The following PGPEP1L variants were observed in gnomAD, a reference collection of about 807,000 sequenced individuals.
PGPEP1L encodes pyroglutamyl-peptidase I like.
In PGPEP1L, 7 loss-of-function variants were observed where a neutral mutation model predicts 6.0. That is an observed-to-expected ratio of 1.17 (90% CI 0.66 to 2.19). PGPEP1L has a LOEUF of 2.19. Among genes scored for constraint, PGPEP1L ranks in the 30% most tolerant of loss-of-function variants. PGPEP1L has a pLI of 0.00. For missense variants in PGPEP1L, 209 were observed against 192.5 expected, an observed-to-expected ratio of 1.09 and a Z score of -0.51; for synonymous variants, 103 against 83.9, an observed-to-expected ratio of 1.23 and a Z score of -1.24.
intron 2 of PGPEP1L, among the ~76,000 whole-genome samples, 152 bp downstream of exon 2, chr15:99,005,277 G>A (rs1357194435): frequency 6.6e-6 from 1 of 152,260 alleles, no homozygotes; most frequent in Non-Finnish European, 1.5e-5. Flanking sequence ...ACAGCAGCAA[G>A]TTCGTTTCCA....
chr15:99,000,374 G>A (rs1235942901), intron 2 of PGPEP1L, among the ~76,000 whole-genome samples: 1 of 152,220 alleles, frequency 6.6e-6, no homozygotes. Context: ...CCACCCCAAG[G>A]GCTGAGGAGT....
chr15:98,990,512 T>G (rs2017804926), intron 2 of PGPEP1L, among the ~76,000 whole-genome samples: 1 of 152,074 alleles, frequency 6.6e-6, no homozygotes, highest in Admixed American at 6.5e-5. Flanking sequence ...ACAATAATAG[T>G]GGGAGACTTT....
intron 2 of PGPEP1L, among the ~76,000 whole-genome samples, chr15:99,002,473 A>G (rs1442356506): frequency 6.7e-6 from 1 of 149,786 alleles, no homozygotes; most frequent in Non-Finnish European, 1.5e-5. Flanking sequence ...AGGAAGCTAC[A>G]CTAGCTGAAA....
At chr15:98,969,798 C>G in intron 3 of PGPEP1L, 147 bp from the exon 4 acceptor site, 2 of 725,778 alleles carry the variant, frequency 2.8e-6, no homozygotes, top group Non-Finnish European at 4.6e-6. Flanking sequence ...CCCAGGATCC[C>G]CCACCAGTGT....
chr15:98,991,181 T>G (rs1555472014), intron 2 of PGPEP1L, among the ~76,000 whole-genome samples: 1 of 152,106 alleles, frequency 6.6e-6, no homozygotes, highest in Non-Finnish European at 1.5e-5. Context: ...AGGAGCTGGT[T>G]TTTTGAAAAG....
chr15:98,996,566 GTGCA>G (rs2017891096), intron 2 of PGPEP1L, among the ~76,000 whole-genome samples: 1 of 151,890 alleles, frequency 6.6e-6, no homozygotes, highest in South Asian at 2.1e-4. Flanking sequence ...AGGTATGGGT[GTGCA>G]TGCATGTATT....
intron 2 of PGPEP1L, among the ~76,000 whole-genome samples, chr15:98,987,184 AAAAAAAAAAAAG>A (rs1425241650): frequency 6.7e-6 from 1 of 150,174 alleles, no homozygotes; most frequent in African/African-American, 2.5e-5. Context: ...AAAAAAAAAA[AAAAAAAAAAAAG>A]AGAGCCAATT....
At chr15:98,970,105 A>G (rs987235721) in intron 3 of PGPEP1L, among the ~76,000 whole-genome samples, 2 of 152,040 alleles carry the variant, frequency 1.3e-5, no homozygotes, top group African/African-American at 4.8e-5. Flanking sequence ...CTGGAGTGCA[A>G]TGGCACCATC....
intron 2 of PGPEP1L, among the ~76,000 whole-genome samples, chr15:98,982,709 T>TGC (rs2017684109): frequency 7.5e-5 from 8 of 106,712 alleles, no homozygotes; most frequent in African/African-American, 3.6e-4. Context: ...GCTTTTTTTT[T>TGC]TTTTTTTTTT....
chr15:98,969,937 T>TG (rs1244249215), intron 3 of PGPEP1L, among the ~76,000 whole-genome samples: 1 of 152,082 alleles, frequency 6.6e-6, no homozygotes, highest in Admixed American at 6.6e-5. Flanking sequence ...TCTCTTTTTG[T>TG]GGGGGGAGGG....
intron 2 of PGPEP1L, among the ~76,000 whole-genome samples, chr15:98,991,054 C>T (rs941529352): frequency 1.1e-4 from 17 of 151,982 alleles, no homozygotes; most frequent in African/African-American, 3.4e-4. Context: ...ATTAAAAGAA[C>T]TAGGGAAGCA....
intron 2 of PGPEP1L, among the ~76,000 whole-genome samples, chr15:98,988,577 C>CA (rs1555471747): frequency 6.6e-6 from 1 of 152,232 alleles, no homozygotes; most frequent in East Asian, 1.9e-4. Context: ...CAGCAGACTT[C>CA]AACGTCCCTG....
chr15:98,975,067 T>G (rs2017549123), intron 2 of PGPEP1L, among the ~76,000 whole-genome samples: 1 of 151,428 alleles, frequency 6.6e-6, no homozygotes, highest in Admixed American at 6.6e-5. Context: ...GAAATCAACC[T>G]AAGTGCCCAT....
chr15:98,986,700 A>G (rs367737827), intron 2 of PGPEP1L, among the ~76,000 whole-genome samples: 19 of 152,322 alleles, frequency 1.2e-4, no homozygotes, highest in Admixed American at 3.3e-4. Context: ...TGAAGTGGGG[A>G]CAACTTCATG....
chr15:98,983,634 T>C (rs535732365), intron 2 of PGPEP1L, among the ~76,000 whole-genome samples: 68 of 152,300 alleles, frequency 4.5e-4, no homozygotes, highest in African/African-American at 1.6e-3. Flanking sequence ...GGAATAATGA[T>C]GTAACTACTG....
intron 1 of PGPEP1L, among the ~76,000 whole-genome samples, chr15:99,006,928 A>C (rs72754837): frequency 0.1 from 15,440 of 152,278 alleles, 902 homozygotes; most frequent in African/African-American, 0.14. Context: ...TCAGGGAAGC[A>C]GGCAGAGCCT....
Position 98,969,531 on chromosome 15 carries a change from G to A in PGPEP1L, c.103C>T (p.Leu35=), listed in dbSNP as rs777365905. 28 of 1,613,936 alleles carry A rather than the reference G, an allele frequency of 1.7e-5. No individual in the cohort carries two copies. The South Asian group carries it at 2.6e-4, about 15-fold the overall frequency. ...TCCAGCACGTCTGGGCTGCCAGGTAGGCACACGCCGCCCTCGGGCCAGAAG... is the reference window on the plus strand; with the variant it reads ...TCCAGCACGTCTGGGCTGCCAGGTAAGCACACGCCGCCCTCGGGCCAGAAG... ...RSFWPEGGVC[L]PGSPDVLESG... Residue 35 remains leucine, a synonymous_variant, in exon 4 of 5, where the codon CTA becomes TTA. Transcript: ENST00000535714.
At chr15:98,993,309 A>C (rs2017842874) in intron 2 of PGPEP1L, among the ~76,000 whole-genome samples, 2 of 152,234 alleles carry the variant, frequency 1.3e-5, no homozygotes, top group African/African-American at 4.8e-5. Context: ...GACACTTCTC[A>C]AAAGACGACA....
At chr15:99,003,380 A>G (rs1237376081) in intron 2 of PGPEP1L, among the ~76,000 whole-genome samples, 2 of 151,242 alleles carry the variant, frequency 1.3e-5, no homozygotes, top group African/African-American at 2.5e-5. Flanking sequence ...TGAAGGTTTG[A>G]AGCTCTTGTG....
Sources: gnomAD v4.1 joint callset for allele counts (sites outside exome capture counted in the v4.1 genomes callset) on GRCh38, gnomAD v4.1.1 for gene constraint, MANE v1.5 for transcripts, NCBI Gene and HGNC (gene_info 2026-07-23, HGNC 2026-07-21) for gene names.